PILRA: variants seen among roughly 807,000 people sequenced by gnomAD.
The protein encoded by PILRA is paired immunoglobulin-like type 2 receptor alpha.
PILRA carries 37 observed loss-of-function variants against 33.1 expected under a neutral mutation model. That is an observed-to-expected ratio of 1.12 (90% confidence interval 0.86 to 1.47). PILRA has a LOEUF of 1.47. Ranked by LOEUF, PILRA falls within the 40% of genes most tolerant of loss-of-function variation. PILRA has a pLI of 0.00. For missense variants in PILRA, 312 were observed against 376.2 expected (o/e 0.83, Z 1.41); for synonymous variants, 146 against 149.9 (o/e 0.97, Z 0.19).
In PILRA at chr7:100,398,757, G is replaced by C. The variant is rs566446776; in HGVS notation, c.708-534G>C. 5.3e-5 allele frequency among the ~76,000 whole-genome samples: 8 copies of C among 152,150 alleles called. No individual in the cohort carries two copies. The South Asian group carries it at 1.7e-3, about 32-fold the overall frequency. ...CTCTCTCATACGAGCAACTTCTCTA[G>C]AAGAACCCAACTCACTGAGCACCGA... On this transcript the variant is annotated intron_variant, in intron 4 of 6. Coordinates refer to ENST00000198536, the MANE Select transcript of PILRA (RefSeq NM_013439.3).
At chr7:100,384,380 G>T (rs2130195099) in intron 2 of PILRA, among the ~76,000 whole-genome samples, 2 of 148,142 alleles carry the variant, frequency 1.4e-5, no homozygotes, top group Middle Eastern at 7.1e-3. Context: ...TTGGAACCCA[G>T]CCTGGGCAAC....
Position 100,373,605 on chromosome 7 carries a change from C to G in PILRA, c.-52C>G, listed in dbSNP as rs1398405969. 3 of 1,609,478 alleles carry G rather than the reference C, an allele frequency of 1.9e-6. No homozygotes were observed. The highest frequency in any genetic ancestry group is 2.7e-5 in the African/African-American group (2 of 74,882). ...GGCGGCCCCTCCACAGGGCCCCTCT[C>G]CTGCCTGGACGGCTCTGCTGGTCTC... On this transcript the variant is annotated 5_prime_UTR_variant, in exon 1 of 7. Transcript: ENST00000198536.
chr7:100,373,178 G>C (rs1237582157), upstream of PILRA, among the ~76,000 whole-genome samples: 2 of 152,136 alleles, frequency 1.3e-5, no homozygotes, highest in Non-Finnish European at 2.9e-5. Context: ...CCTCCTCTCT[G>C]AGGACTGAAT....
At chr7:100,374,787 T>C in intron 2 of PILRA, 1 of 352,886 alleles carries the variant, frequency 2.8e-6, no homozygotes, top group Non-Finnish European at 5.5e-6. Flanking sequence ...ATTCGATCTC[T>C]CCAGGATGTG....
chr7:100,390,338 C>G (rs534434015), intron 3 of PILRA, among the ~76,000 whole-genome samples: 100 of 152,232 alleles, frequency 6.6e-4, no homozygotes, highest in African/African-American at 2.0e-3. Flanking sequence ...CCGATCCCCC[C>G]CTAGTTCTTC....
In PILRA at chr7:100,390,115, C is replaced by T; in HGVS notation, c.673+9C>T. On this transcript the variant is annotated intron_variant, in intron 3 of 6. Coordinates refer to ENST00000198536, the MANE Select transcript of PILRA (RefSeq NM_013439.3). Reference sequence around the variant, plus strand: ...GTGGAGGAGAAGGAAAGGTAAGTGCCCAGGACCCGCCCTCTCCCCAAGCCT... The same window carrying T: ...GTGGAGGAGAAGGAAAGGTAAGTGCTCAGGACCCGCCCTCTCCCCAAGCCT... The T allele has an allele frequency of 6.2e-7, 1 of 1,610,070 alleles. No homozygotes were observed. The highest frequency in any genetic ancestry group is 8.5e-7 in the Non-Finnish European group (1 of 1,176,668).
At chr7:100,390,363 C>T (rs1791364905) in intron 3 of PILRA, among the ~76,000 whole-genome samples, 1 of 152,106 alleles carries the variant, frequency 6.6e-6, no homozygotes, top group South Asian at 2.1e-4. Context: ...TCAGTCATCA[C>T]TCATCTACCT....
At chr7:100,383,311 A>C (rs1228043398) in intron 2 of PILRA, among the ~76,000 whole-genome samples, 1 of 152,144 alleles carries the variant, frequency 6.6e-6, no homozygotes, top group Non-Finnish European at 1.5e-5. Flanking sequence ...GTTACAGGGC[A>C]CCCGAGCCCA....
chr7:100,374,781 G>C, intron 2 of PILRA: 2 of 372,746 alleles, frequency 5.4e-6, no homozygotes, highest in Non-Finnish European at 1.0e-5. Context: ...AGGCCGATTC[G>C]ATCTCTCCAG....
chr7:100,390,107 G>A lies in PILRA; in HGVS notation c.673+1G>A, dbSNP rs767731690. On this transcript the variant is annotated splice_donor_variant, in intron 3 of 6. Transcript: ENST00000198536. LOFTEE classifies it high-confidence loss of function. The stretch of plus-strand genomic sequence containing the variant: ...CTCCTCAGGTGGAGGAGAAGGAAAG[G>A]TAAGTGCCCAGGACCCGCCCTCTCC... The A allele has an allele frequency of 6.2e-7, 1 of 1,613,584 alleles. No homozygotes were observed. Among genetic ancestry groups the A allele is most frequent in the Non-Finnish European group, 8.5e-7 (1 of 1,179,628 alleles).
intron 3 of PILRA, among the ~76,000 whole-genome samples, chr7:100,392,613 T>C (rs1472302040): frequency 6.6e-6 from 1 of 152,002 alleles, no homozygotes; most frequent in Non-Finnish European, 1.5e-5. Flanking sequence ...ATGAATACAT[T>C]TAAAAGACAA....
At chr7:100,386,129 T>C (rs535344313) in intron 2 of PILRA, among the ~76,000 whole-genome samples, 66 of 152,234 alleles carry the variant, frequency 4.3e-4, no homozygotes, top group African/African-American at 1.5e-3. Flanking sequence ...GCCAGGCTGG[T>C]CTGATTCCTG....
intron 3 of PILRA, among the ~76,000 whole-genome samples, chr7:100,394,593 CAAAA>C (rs60131231): frequency 4.2e-5 from 2 of 47,346 alleles, no homozygotes; most frequent in African/African-American, 8.0e-5. Flanking sequence ...GATTCTATCT[CAAAA>C]AAAAAAAAAA....
intron 2 of PILRA, among the ~76,000 whole-genome samples, chr7:100,388,759 A>T (rs1042302961): frequency 5.4e-5 from 8 of 147,718 alleles, no homozygotes; most frequent in African/African-American, 2.0e-4. Context: ...CAAAAAAAAA[A>T]AAAAAAAAAA....
rs759651368 is a variant in PILRA, at chr7:100,374,259, G to A, written c.280G>A (p.Val94Met). The change falls in exon 2 of 7, where the codon GTG becomes ATG. Residue 94 changes from valine (V) to methionine (M), a missense_variant. Coordinates refer to ENST00000198536, the MANE Select transcript of PILRA (RefSeq NM_013439.3). ...GCCGCCTTCCATTCACAAGGATTAT[G>A]TGAACCGGCTCTTTCTGAACTGGAC... is the stretch of plus-strand genomic sequence containing the variant. The part of the protein sequence containing the change: ...TRPPSIHKDY[V>M]NRLFLNWTEG... 1.2e-6 allele frequency: 2 copies of A among 1,614,160 alleles called. No individual in the cohort carries two copies. Among genetic ancestry groups the A allele is most frequent in the Non-Finnish European group, 1.7e-6 (2 of 1,180,026 alleles).
chr7:100,373,553 G>C lies in PILRA; in HGVS notation c.-104G>C. The stretch of plus-strand genomic sequence containing the variant: ...ACAGCCCTCTTCGGAGCCTGAGCCC[G>C]GCTCTCCTCACTCACCTCAACCCCC... On this transcript the variant is annotated 5_prime_UTR_variant, in exon 1 of 7. Transcript: ENST00000198536. 7.5e-7 allele frequency: 1 copy of C among 1,332,596 alleles called. No homozygotes were observed. The highest frequency in any genetic ancestry group is 1.1e-6 in the Non-Finnish European group (1 of 933,968). The allele number at this position is 1,332,596 out of a possible 1,614,324, so 82.5% of individuals were successfully genotyped here.
At chr7:100,390,565 G>A (rs760504736) in intron 3 of PILRA, among the ~76,000 whole-genome samples, 5 of 152,234 alleles carry the variant, frequency 3.3e-5, no homozygotes, top group Non-Finnish European at 7.3e-5. Context: ...GGAACTAGGG[G>A]TGTGGGGTTT....
chr7:100,382,175 G>C (rs1232176693), intron 2 of PILRA, among the ~76,000 whole-genome samples: 1 of 152,256 alleles, frequency 6.6e-6, no homozygotes, highest in African/African-American at 2.4e-5. Flanking sequence ...GGGATCCAAT[G>C]GGTGAAGCCA....
chr7:100,375,473 T>G (rs1295787981), intron 2 of PILRA, among the ~76,000 whole-genome samples: 1 of 152,240 alleles, frequency 6.6e-6, no homozygotes, highest in Non-Finnish European at 1.5e-5. Context: ...GGCTGACGCC[T>G]GTAATCACAA....
Sources: allele counts gnomAD v4.1 joint callset (sites outside exome capture counted in the v4.1 genomes callset), GRCh38; gene constraint gnomAD v4.1.1; transcripts MANE v1.5; gene names NCBI Gene and HGNC (gene_info 2026-07-23, HGNC 2026-07-21).